Variants in NLRC5 observed in about 807,000 individuals in gnomAD.
The protein encoded by NLRC5 is protein NLRC5.
Under a neutral mutation model 206.9 loss-of-function variants are expected in NLRC5, and 114 were observed. That is an observed-to-expected ratio of 0.55 (90% CI 0.47 to 0.64). The LOEUF (loss-of-function observed/expected upper bound fraction) is 0.64, where lower values mean the gene tolerates loss of function less well. Among genes scored for constraint, NLRC5 ranks in the 30% least tolerant of loss-of-function variants. NLRC5 has a pLI of 0.00. For synonymous variants in NLRC5, 952 were observed against 962.8 expected (o/e 0.99, Z 0.21); for missense variants, 2,008 against 2,305.5 (o/e 0.87, Z 2.64).
At chr16:56,995,761 C>T (rs2142164910) in intron 1 of NLRC5, among the ~76,000 whole-genome samples, 1 of 152,292 alleles carries the variant, frequency 6.6e-6, no homozygotes, top group African/African-American at 2.4e-5. Flanking sequence ...AGAGAAATAG[C>T]TTGCTGTTTT....
chr16:57,081,325 G>A (rs1198632941), intron 47 of NLRC5, 144 bp downstream of exon 47: 1 of 935,592 alleles, frequency 1.1e-6, no homozygotes, highest in Non-Finnish European at 1.6e-6. Flanking sequence ...GCCCCTGCCA[G>A]GCTTAGTTCC....
At chr16:56,999,842 T>C (rs1180380989) in intron 1 of NLRC5, among the ~76,000 whole-genome samples, 1 of 152,142 alleles carries the variant, frequency 6.6e-6, no homozygotes, top group Non-Finnish European at 1.5e-5. Context: ...GAGCCCCAGG[T>C]GGGAGGTAGC....
chr16:57,078,111 T>A (rs1463001562), intron 43 of NLRC5, 91 bp downstream of exon 43: 4 of 1,066,892 alleles, frequency 3.7e-6, no homozygotes, highest in Non-Finnish European at 5.3e-6. Flanking sequence ...TCAGTTGAGC[T>A]GCCCTGCCCC....
intron 4 of NLRC5, among the ~76,000 whole-genome samples, chr16:57,023,070 G>A (rs768386462): frequency 2.6e-5 from 4 of 152,204 alleles, no homozygotes; most frequent in African/African-American, 4.8e-5. Context: ...ACTGGTTCCA[G>A]CCTCCTAGCT....
chr16:57,020,072 T>C (rs1247331170), intron 2 of NLRC5, among the ~76,000 whole-genome samples: 3 of 151,986 alleles, frequency 2.0e-5, no homozygotes, highest in Non-Finnish European at 2.9e-5. Context: ...CAAGACTCCA[T>C]GGAGAGGCCA....
intron 5 of NLRC5, among the ~76,000 whole-genome samples, chr16:57,024,778 G>C (rs1549670): frequency 0.32 from 49,166 of 152,120 alleles, 8,347 homozygotes; most frequent in African/African-American, 0.4. Flanking sequence ...GGAGGGCTGA[G>C]GCAGGTGGAT....
intron 21 of NLRC5, 120 bp from the exon 22 acceptor site, chr16:57,046,432 T>A: frequency 4.1e-6 from 3 of 733,594 alleles, no homozygotes; most frequent in African/African-American, 3.5e-5. Context: ...AGTCTGGGAG[T>A]CCAATGTGGG....
At position 57,026,876 on chromosome 16, in the gene NLRC5, C is replaced by T. The variant is rs2061313729; in HGVS notation, c.1933C>T (p.Pro645Ser). 1 of 1,614,114 alleles carries T rather than the reference C, an allele frequency of 6.2e-7. No individual in the cohort carries two copies. Among genetic ancestry groups the T allele is most frequent in the Admixed American group, 1.7e-5 (1 of 60,006 alleles). Residue 645 changes from proline to serine, a missense_variant, in exon 6 of 49, where the codon CCA becomes TCA. Physicochemically the swap from Pro to Ser is moderately conservative, Grantham distance 74. Coordinates refer to ENST00000688547, the MANE Select transcript of NLRC5 (RefSeq NM_001384950.1). Reference protein sequence around the residue: ...LPYQLPFHNFPLTCTDLATLT... With the variant: ...LPYQLPFHNFSLTCTDLATLT... ...CTATCAACTGCCCTTCCACAATTTC[C>T]CACTGACCTGCACCGACCTGGCCAC...
rs114542637 is a variant in NLRC5 at position 57,022,347 on chromosome 16, G to T, written c.355+32G>T. On this transcript the variant is annotated intron_variant, in intron 4 of 48. Coordinates refer to ENST00000688547, the MANE Select transcript of NLRC5 (RefSeq NM_001384950.1). ...ACTGGAGTTGGGGGGTGGGAAGGGG[G>T]TGGTGAGCACTGTGAAGTCCCCACT... 1.3e-3 allele frequency: 2,029 copies of T among 1,592,468 alleles called. 27 individuals are homozygous for T. In the African/African-American group the frequency reaches 0.024, roughly 19 times the overall value.
intron 7 of NLRC5, 50 bp from the exon 8 acceptor site, chr16:57,028,252 C>T (rs755999662): frequency 4.9e-5 from 78 of 1,588,954 alleles, no homozygotes; most frequent in South Asian, 2.2e-4. Context: ...TTCCTGGCCC[C>T]GCCCTTTTCC....
At chr16:57,081,367 C>T (rs2069122649) in intron 47 of NLRC5, 160 bp from the exon 48 acceptor site, 2 of 864,590 alleles carry the variant, frequency 2.3e-6, no homozygotes, top group South Asian at 3.1e-5. Context: ...CTTCCTGCTG[C>T]ACCTGCCACC....
Position 57,070,585 on chromosome 16 carries a change from C to T in NLRC5, c.4634C>T (p.Ala1545Val), listed in dbSNP as rs1195362920. ...DEEGTKALMR[A>V]LEGKWMLKRL... is the part of the protein sequence containing the mutation. ...GAGGGCACCAAGGCGCTGATGAGGGCCCTTGAGGGGAAATGGATGCTAAAG... is the reference window on the plus strand; with the variant it reads ...GAGGGCACCAAGGCGCTGATGAGGGTCCTTGAGGGGAAATGGATGCTAAAG... Residue 1545 changes from alanine (A) to valine (V), a missense_variant, in exon 38 of 49, where the codon GCC becomes GTC. By Grantham distance (64) the Ala-to-Val change is moderately conservative. Coordinates refer to ENST00000688547, the MANE Select transcript of NLRC5 (RefSeq NM_001384950.1). The T allele has an allele frequency of 1.9e-6, 3 of 1,613,886 alleles. No individual in the cohort carries two copies. Among genetic ancestry groups the T allele is most frequent in the Non-Finnish European group, 2.5e-6 (3 of 1,179,956 alleles).
chr16:57,025,421 A>C lies in NLRC5; in HGVS notation c.478A>C (p.Arg160=), dbSNP rs756373647. The change falls in exon 6 of 49, where the codon AGG becomes CGG. Residue 160 remains arginine, a synonymous_variant. Coordinates refer to ENST00000688547, the MANE Select transcript of NLRC5 (RefSeq NM_001384950.1). ...GCGGACCTCTGCCCAGCAGCGCTAC[A>C]GGAGCCAAATCCCTGGGTCAGGGCA... ...LLRTSAQQRY[R]SQIPGSGQPH... 9 of 1,581,134 alleles carry C rather than the reference A, an allele frequency of 5.7e-6. No individual in the cohort carries two copies. The highest frequency in any genetic ancestry group is 7.7e-6 in the Non-Finnish European group (9 of 1,164,850).
At chr16:57,015,415 AG>A (rs758488404) in intron 1 of NLRC5, among the ~76,000 whole-genome samples, 1 of 152,176 alleles carries the variant, frequency 6.6e-6, no homozygotes, top group Non-Finnish European at 1.5e-5. Context: ...AATTTGCTAA[AG>A]CCTCTCTTTA....
At chr16:57,043,416 C>G in intron 19 of NLRC5, 99 bp from the exon 20 acceptor site, 1 of 933,560 alleles carries the variant, frequency 1.1e-6, no homozygotes, top group Non-Finnish European at 1.8e-6. Context: ...GTTCCGTCAT[C>G]TGGAACCAGG....
chr16:57,000,733 C>T (rs1991515), intron 1 of NLRC5, among the ~76,000 whole-genome samples: 56,955 of 151,990 alleles, frequency 0.37, 11,604 homozygotes, highest in Non-Finnish European at 0.43. Flanking sequence ...CCTGCATCAT[C>T]ACTGACTCAC....
chr16:57,042,125 C>A, intron 19 of NLRC5, 60 bp downstream of exon 19: 1 of 1,077,944 alleles, frequency 9.3e-7, no homozygotes, highest in Non-Finnish European at 1.3e-6. Context: ...ATTCTCTGTC[C>A]CATCCCCCTC....
chr16:57,078,990 G>A, intron 43 of NLRC5, 60 bp from the exon 44 acceptor site: 2 of 1,475,656 alleles, frequency 1.4e-6, no homozygotes, highest in Non-Finnish European at 1.9e-6. Flanking sequence ...ACAAGGCTGA[G>A]GGTGGGGCTC....
At chr16:57,021,899 G>A (rs535229605) in intron 3 of NLRC5, among the ~76,000 whole-genome samples, 97 of 152,108 alleles carry the variant, frequency 6.4e-4, no homozygotes, top group African/African-American at 2.3e-3. Flanking sequence ...GGGGCGGGGC[G>A]GCGCATGCAC....
Sources: allele counts gnomAD v4.1 joint callset (sites outside exome capture counted in the v4.1 genomes callset), GRCh38; gene constraint gnomAD v4.1.1; transcripts MANE v1.5; gene names NCBI Gene and HGNC (gene_info 2026-07-23, HGNC 2026-07-21).